Variants in ATP8A2 observed in about 807,000 individuals in gnomAD.
ATP8A2 encodes phospholipid-transporting ATPase IB.
In ATP8A2, 100 loss-of-function variants were observed where a neutral mutation model predicts 165.6. The observed-to-expected ratio is 0.60, with a 90% confidence interval of 0.51 to 0.71. The LOEUF (loss-of-function observed/expected upper bound fraction) is 0.71, where lower values mean the gene tolerates loss of function less well. ATP8A2 is among the 30% of genes least tolerant of loss of function. The pLI is 0.00. For synonymous variants in ATP8A2, 543 were observed against 548.8 expected, an observed-to-expected ratio of 0.99 and a Z score of 0.15; for missense variants, 1,227 against 1,479.5, an observed-to-expected ratio of 0.83 and a Z score of 2.80.
chr13:25,781,057 C>A (rs919318625), intron 27 of ATP8A2, among the ~76,000 whole-genome samples: 1 of 152,048 alleles, frequency 6.6e-6, no homozygotes, highest in Non-Finnish European at 1.5e-5. Flanking sequence ...GTCAGGAGAT[C>A]GAGACCATCC....
chr13:25,863,859 A>G (rs1952427593), intron 33 of ATP8A2, among the ~76,000 whole-genome samples: 1 of 152,212 alleles, frequency 6.6e-6, no homozygotes, highest in African/African-American at 2.4e-5. Flanking sequence ...AGGAAAGAGG[A>G]CAAACATATA....
chr13:25,632,803 C>T (rs2041274576), intron 24 of ATP8A2, among the ~76,000 whole-genome samples: 1 of 152,062 alleles, frequency 6.6e-6, no homozygotes, highest in East Asian at 1.9e-4. Context: ...GATGAGGGTG[C>T]CTTTTACTCC....
chr13:25,928,497 G>A (rs9511980), intron 33 of ATP8A2, among the ~76,000 whole-genome samples: 5 of 151,942 alleles, frequency 3.3e-5, no homozygotes, highest in Admixed American at 2.0e-4. Context: ...TATCAGAGCA[G>A]GGAATAGAGA....
chr13:25,863,166 C>G (rs969023141), intron 33 of ATP8A2: 2 of 152,272 alleles, frequency 1.3e-5, no homozygotes, highest in African/African-American at 4.8e-5. Flanking sequence ...CCAGCACTGC[C>G]CTTAAACCCC....
At chr13:25,519,955 G>T (rs1276715287) in intron 2 of ATP8A2, among the ~76,000 whole-genome samples, 1 of 152,080 alleles carries the variant, frequency 6.6e-6, no homozygotes, top group Non-Finnish European at 1.5e-5. Context: ...ATATTTTAAA[G>T]GTACATGTAA....
At chr13:25,715,601 G>A (rs3132344) in intron 25 of ATP8A2, among the ~76,000 whole-genome samples, 26,447 of 152,088 alleles carry the variant, frequency 0.17, 2,814 homozygotes, top group East Asian at 0.38. Context: ...CCCACTTACT[G>A]TAAAGTCTTC....
chr13:25,527,340 A>C (rs1367433750), intron 2 of ATP8A2, among the ~76,000 whole-genome samples: 1 of 152,130 alleles, frequency 6.6e-6, no homozygotes, highest in Non-Finnish European at 1.5e-5. Flanking sequence ...ACTTGTTAGA[A>C]ATGTGGAATC....
intron 26 of ATP8A2, among the ~76,000 whole-genome samples, chr13:25,772,423 A>G (rs1284713534): frequency 6.6e-6 from 1 of 152,084 alleles, no homozygotes; most frequent in Non-Finnish European, 1.5e-5. Flanking sequence ...TTATTTGTTT[A>G]GCTAGTTATT....
intron 33 of ATP8A2, among the ~76,000 whole-genome samples, chr13:25,902,021 C>T (rs1013731296): frequency 2.5e-4 from 38 of 152,052 alleles, no homozygotes; most frequent in African/African-American, 7.5e-4. Flanking sequence ...AAGCTATATT[C>T]GGGATCCATT....
chr13:25,730,481 A>C (rs2043596442), intron 25 of ATP8A2, among the ~76,000 whole-genome samples: 1 of 152,202 alleles, frequency 6.6e-6, no homozygotes, highest in Admixed American at 6.6e-5. Flanking sequence ...AATGTAATAA[A>C]TATGTGAACT....
Position 26,024,918 on chromosome 13 carries a change from G to A in ATP8A2, c.*4933G>A, listed in dbSNP as rs1312182617. ...GCACTATCCAAATAACCCTGCCCAG[G>A]AAACTTGGGGGTCAAGAGAGCTTAT... On this transcript the variant is annotated 3_prime_UTR_variant, in exon 37 of 37. Coordinates refer to ENST00000381655, the MANE Select transcript of ATP8A2 (RefSeq NM_016529.6). 1 of 152,062 alleles carries A rather than the reference G, an allele frequency of 6.6e-6. No individual in the cohort carries two copies. The highest frequency in any genetic ancestry group is 1.5e-5 in the Non-Finnish European group (1 of 68,006). 9.4% of individuals were successfully genotyped at this position (152,062 alleles called of 1,614,324 possible).
At chr13:25,605,915 A>G (rs1261521234) in intron 24 of ATP8A2, among the ~76,000 whole-genome samples, 1 of 152,172 alleles carries the variant, frequency 6.6e-6, no homozygotes, top group Non-Finnish European at 1.5e-5. Flanking sequence ...TGCCTTCTTG[A>G]GTGGAGGTAA....
chr13:25,627,547 A>C (rs578208701), intron 24 of ATP8A2, among the ~76,000 whole-genome samples: 2 of 152,266 alleles, frequency 1.3e-5, no homozygotes, highest in African/African-American at 4.8e-5. Flanking sequence ...CCACCATCTC[A>C]ACGCCATGTG....
At chr13:25,809,714 T>C (rs1950819594) in intron 27 of ATP8A2, among the ~76,000 whole-genome samples, 1 of 152,186 alleles carries the variant, frequency 6.6e-6, no homozygotes, top group Non-Finnish European at 1.5e-5. Flanking sequence ...TTCTTATTTG[T>C]ACGTTTCCTT....
intron 23 of ATP8A2, among the ~76,000 whole-genome samples, chr13:25,585,818 CT>C (rs1401755584): frequency 6.6e-6 from 1 of 152,122 alleles, no homozygotes; most frequent in Non-Finnish European, 1.5e-5. Flanking sequence ...AATCTTACTG[CT>C]GTTTTTCACA....
chr13:25,723,850 G>A (rs1455386368), intron 25 of ATP8A2, among the ~76,000 whole-genome samples: 1 of 152,108 alleles, frequency 6.6e-6, no homozygotes, highest in Non-Finnish European at 1.5e-5. Flanking sequence ...GAGCAGGCCT[G>A]ACCTATCACA....
intron 35 of ATP8A2, among the ~76,000 whole-genome samples, chr13:25,972,876 T>C (rs935348668): frequency 1.3e-5 from 2 of 152,180 alleles, no homozygotes; most frequent in Non-Finnish European, 2.9e-5. Context: ...TTAATTTTTT[T>C]TGGAATGAGA....
intron 24 of ATP8A2, among the ~76,000 whole-genome samples, chr13:25,638,165 A>G (rs1032535589): frequency 7.2e-5 from 11 of 152,228 alleles, no homozygotes; most frequent in Non-Finnish European, 1.6e-4. Context: ...GAAAAAACAG[A>G]GCAGAAAAGC....
intron 2 of ATP8A2, among the ~76,000 whole-genome samples, chr13:25,473,396 T>A (rs1387825942): frequency 6.6e-6 from 1 of 152,238 alleles, no homozygotes; most frequent in Non-Finnish European, 1.5e-5. Context: ...ACAATAACTT[T>A]CTTCATCCTC....
Sources: allele counts gnomAD v4.1 joint callset (sites outside exome capture counted in the v4.1 genomes callset), GRCh38; gene constraint gnomAD v4.1.1; transcripts MANE v1.5; gene names NCBI Gene and HGNC (gene_info 2026-07-23, HGNC 2026-07-21).